The following TBL1XR1 variants were observed in gnomAD, a reference collection of about 807,000 sequenced individuals.
The protein encoded by TBL1XR1 is TBL1X/Y related 1.
TBL1XR1 carries 5 observed loss-of-function variants against 66.9 expected under a neutral mutation model. That is an observed-to-expected ratio of 0.07 (90% CI 0.04 to 0.16). The LOEUF is 0.16. Among genes scored for constraint, TBL1XR1 ranks in the 10% least tolerant of loss-of-function variants. TBL1XR1 has a pLI of 1.00. For missense variants in TBL1XR1, 238 were observed against 623.2 expected, an observed-to-expected ratio of 0.38 and a Z score of 6.58; for synonymous variants, 210 against 206.0, an observed-to-expected ratio of 1.02 and a Z score of -0.17.
intron 2 of TBL1XR1, 69 bp downstream of exon 2, chr3:177,098,397 C>T (rs1014851270): frequency 3.3e-6 from 3 of 907,046 alleles, no homozygotes; most frequent in Admixed American, 6.2e-5. Context: ...GAGAAACTTT[C>T]AAAATTCTCA....
chr3:177,155,332 G>A (rs998172366), intron 1 of TBL1XR1, among the ~76,000 whole-genome samples: 1 of 152,048 alleles, frequency 6.6e-6, no homozygotes, highest in Non-Finnish European at 1.5e-5. Context: ...TTTGTATTGT[G>A]AATTATGAAA....
chr3:177,080,784 A>G (rs924285988), intron 2 of TBL1XR1, among the ~76,000 whole-genome samples: 2 of 152,224 alleles, frequency 1.3e-5, no homozygotes, highest in African/African-American at 4.8e-5. Flanking sequence ...AAATACAATT[A>G]ACTGCCTGGT....
chr3:177,192,285 G>C (rs998260268), intron 1 of TBL1XR1, among the ~76,000 whole-genome samples: 3 of 151,790 alleles, frequency 2.0e-5, no homozygotes, highest in African/African-American at 4.8e-5. Flanking sequence ...AGGAGGCTGA[G>C]GCAGGAGAAT....
intron 1 of TBL1XR1, among the ~76,000 whole-genome samples, chr3:177,156,105 A>C (rs1030825358): frequency 1.3e-4 from 19 of 151,052 alleles, no homozygotes; most frequent in Admixed American, 2.6e-4. Context: ...ACAAAAAAAA[A>C]CAGAAACCAT....
At chr3:177,054,617 C>T (rs1486093991) in intron 3 of TBL1XR1, among the ~76,000 whole-genome samples, 1 of 152,066 alleles carries the variant, frequency 6.6e-6, no homozygotes. Context: ...TTTTGGAGCT[C>T]TTTGGAACTA....
At chr3:177,100,759 T>A (rs1434724660) in intron 1 of TBL1XR1, among the ~76,000 whole-genome samples, 1 of 152,022 alleles carries the variant, frequency 6.6e-6, no homozygotes, top group Non-Finnish European at 1.5e-5. Flanking sequence ...TTCTTGATAA[T>A]CCCTAATTTT....
chr3:177,153,663 G>A (rs1230057151), intron 1 of TBL1XR1, among the ~76,000 whole-genome samples: 2 of 152,108 alleles, frequency 1.3e-5, no homozygotes, highest in Non-Finnish European at 2.9e-5. Flanking sequence ...CGGGGCGGGT[G>A]AATCACCTGA....
In TBL1XR1 at chr3:177,194,859, TTGAAGCAACCAA is replaced by T. The variant is rs11276581; in HGVS notation, c.-122+2250_-122+2261del. The stretch of plus-strand genomic sequence containing the variant: ...ACGTATTAAAATGCTTAACACTTCT[TTGAAGCAACCAA>T]TGCAAAAATATCATCTCTGCAAGGG... On this transcript the variant is annotated intron_variant, in intron 1 of 15. Coordinates refer to ENST00000457928, the MANE Select transcript of TBL1XR1 (RefSeq NM_024665.7). 5.2e-3 allele frequency among the ~76,000 whole-genome samples: 795 copies of T among 152,254 alleles called. 8 individuals are homozygous for T. Among genetic ancestry groups the T allele is most frequent in the African/African-American group, 0.018 (749 of 41,530 alleles).
intron 12 of TBL1XR1, 105 bp downstream of exon 12, chr3:177,037,993 T>C (rs2108435734): frequency 1.1e-6 from 1 of 938,158 alleles, no homozygotes. Flanking sequence ...TTCATGCAGG[T>C]ACAAACACTC....
chr3:177,142,445 T>G (rs1729744802), intron 1 of TBL1XR1, among the ~76,000 whole-genome samples: 2 of 152,240 alleles, frequency 1.3e-5, no homozygotes, highest in Non-Finnish European at 1.5e-5. Context: ...GGACAGAAAC[T>G]TTCAGGTGTT....
intron 1 of TBL1XR1, among the ~76,000 whole-genome samples, chr3:177,129,185 C>A (rs1560207450): frequency 6.6e-6 from 1 of 151,954 alleles, no homozygotes; most frequent in Non-Finnish European, 1.5e-5. Flanking sequence ...TTTTAAAAAT[C>A]CTTTATGGCA....
At chr3:177,163,635 G>C (rs556202092) in intron 1 of TBL1XR1, among the ~76,000 whole-genome samples, 1 of 152,224 alleles carries the variant, frequency 6.6e-6, no homozygotes, top group South Asian at 2.1e-4. Flanking sequence ...ACTGGGGAGA[G>C]GGTGTAAAGT....
At chr3:177,137,142 A>G (rs1729092947) in intron 1 of TBL1XR1, among the ~76,000 whole-genome samples, 1 of 152,244 alleles carries the variant, frequency 6.6e-6, no homozygotes, top group Non-Finnish European at 1.5e-5. Context: ...GGGGGGAAAG[A>G]TGACTGATTA....
chr3:177,167,903 G>A (rs1052320039), intron 1 of TBL1XR1, among the ~76,000 whole-genome samples: 2 of 151,942 alleles, frequency 1.3e-5, no homozygotes, highest in Admixed American at 1.3e-4. Flanking sequence ...TACAGCCTGG[G>A]CAACAAGAGC....
intron 2 of TBL1XR1, among the ~76,000 whole-genome samples, chr3:177,084,018 G>A (rs1451390035): frequency 6.6e-6 from 1 of 150,830 alleles, no homozygotes; most frequent in Admixed American, 6.6e-5. Context: ...AACCCAGGAG[G>A]CGGAGGCTGC....
chr3:177,070,418 C>A (rs1418895527), intron 2 of TBL1XR1, among the ~76,000 whole-genome samples: 1 of 152,010 alleles, frequency 6.6e-6, no homozygotes. Context: ...CAAAGAAGGA[C>A]AAGAAATGAA....
At chr3:177,034,588 T>C (rs1046410324) in intron 12 of TBL1XR1, among the ~76,000 whole-genome samples, 4 of 152,130 alleles carry the variant, frequency 2.6e-5, no homozygotes, top group Admixed American at 6.5e-5. Context: ...ACTATAGTTG[T>C]TCTGAGATTA....
intron 2 of TBL1XR1, among the ~76,000 whole-genome samples, chr3:177,074,464 C>T (rs565806474): frequency 1.7e-4 from 26 of 152,288 alleles, no homozygotes; most frequent in African/African-American, 4.6e-4. Context: ...GCTCTCCCTA[C>T]GCTTCTATCA....
chr3:177,176,059 TA>T lies in TBL1XR1; in HGVS notation c.-122+21061del, dbSNP rs1217018820. Among the ~76,000 whole-genome samples, 616 of 127,468 alleles carry T rather than the reference TA, an allele frequency of 4.8e-3. 1 individual carries two copies. Among genetic ancestry groups the T allele is most frequent in the East Asian group, 0.016 (71 of 4,488 alleles). The allele number at this position is 127,468 out of a possible 152,430, so 83.6% of individuals were successfully genotyped here. A position where few individuals can be genotyped will look rare whatever the true frequency, so the allele number is the denominator to read the frequency against. On this transcript the variant is annotated intron_variant, in intron 1 of 15. Coordinates refer to ENST00000457928, the MANE Select transcript of TBL1XR1 (RefSeq NM_024665.7). ...GGGCAACAGAGCGAGACTCTGTCTC[TA>T]AAAAAAAAAAAAAATTAATTAAAAT...
Sources: gnomAD v4.1 joint callset for allele counts (sites outside exome capture counted in the v4.1 genomes callset) on GRCh38, gnomAD v4.1.1 for gene constraint, MANE v1.5 for transcripts, NCBI Gene and HGNC (gene_info 2026-07-23, HGNC 2026-07-21) for gene names.